Variants in RNF217 observed in about 807,000 individuals in gnomAD.
The protein encoded by RNF217 is ring finger protein 217.
In RNF217, 31 loss-of-function variants were observed where a neutral mutation model predicts 57.8. That is an observed-to-expected ratio of 0.54 (90% CI 0.40 to 0.72). RNF217 has a LOEUF of 0.72. RNF217 is among the 30% of genes least tolerant of loss of function. The pLI is 0.00. For synonymous variants in RNF217, 313 were observed against 294.0 expected, an observed-to-expected ratio of 1.06 and a Z score of -0.66; for missense variants, 696 against 708.3, an observed-to-expected ratio of 0.98 and a Z score of 0.20.
chr6:125,057,765 A>G (rs1216035464), intron 2 of RNF217, among the ~76,000 whole-genome samples, 177 bp from the exon 3 acceptor site: 1 of 152,142 alleles, frequency 6.6e-6, no homozygotes, highest in Non-Finnish European at 1.5e-5. Flanking sequence ...TCCTTGCCAA[A>G]GCAATTCTTT....
chr6:125,037,286 G>C (rs895876662), intron 1 of RNF217, among the ~76,000 whole-genome samples: 3 of 152,164 alleles, frequency 2.0e-5, no homozygotes, highest in African/African-American at 7.2e-5. Context: ...GTCTATTCAG[G>C]CTGTTGTATC....
At chr6:125,034,063 T>C (rs1358779519) in intron 1 of RNF217, among the ~76,000 whole-genome samples, 1 of 152,022 alleles carries the variant, frequency 6.6e-6, no homozygotes, top group Admixed American at 6.6e-5. Context: ...TCTTGTAAAT[T>C]TGTTTGAGTT....
chr6:125,001,330 A>G (rs1784972984), intron 1 of RNF217, among the ~76,000 whole-genome samples: 1 of 152,166 alleles, frequency 6.6e-6, no homozygotes, highest in Admixed American at 6.5e-5. Context: ...CTTAGAGGCT[A>G]TGCTTTTGAG....
chr6:125,012,460 G>T (rs2114363081), intron 1 of RNF217, among the ~76,000 whole-genome samples: 1 of 152,108 alleles, frequency 6.6e-6, no homozygotes, highest in Middle Eastern at 3.4e-3. Flanking sequence ...TTTGGGTAAT[G>T]GTTCACAATT....
rs559803059 is a variant in RNF217 at position 124,993,813 on chromosome 6, G to A, written c.882+30387G>A. ...ATAAAGAAGGGGCTGCGTAAAGAGT[G>A]TGTCAGGGCTAAGAGTGCCACAGCT... On this transcript the variant is annotated intron_variant, in intron 1 of 5. Coordinates refer to ENST00000521654, the MANE Select transcript of RNF217 (RefSeq NM_001286398.3). 9.9e-5 allele frequency among the ~76,000 whole-genome samples: 15 copies of A among 152,284 alleles called. No homozygotes were observed. The South Asian group carries it at 2.9e-3, about 29-fold the overall frequency.
intron 1 of RNF217, among the ~76,000 whole-genome samples, chr6:125,030,070 A>G (rs113864225): frequency 0.068 from 10,320 of 152,180 alleles, 774 homozygotes; most frequent in African/African-American, 0.19. Context: ...AGCAAGAGAA[A>G]ATGAAGAAGA....
At chr6:125,004,465 A>G (rs1232731071) in intron 1 of RNF217, among the ~76,000 whole-genome samples, 1 of 152,228 alleles carries the variant, frequency 6.6e-6, no homozygotes, top group Non-Finnish European at 1.5e-5. Flanking sequence ...GAGGGAAGAT[A>G]AGCAGAACAG....
chr6:124,966,770 A>G (rs1783558735), intron 1 of RNF217, among the ~76,000 whole-genome samples: 1 of 152,228 alleles, frequency 6.6e-6, no homozygotes, highest in South Asian at 2.1e-4. Flanking sequence ...ATGGATTTTT[A>G]GACAGTATGT....
At chr6:125,053,761 T>C (rs960049842) in intron 2 of RNF217, among the ~76,000 whole-genome samples, 2 of 152,090 alleles carry the variant, frequency 1.3e-5, no homozygotes, top group African/African-American at 2.4e-5. Flanking sequence ...AAGTCAAAAA[T>C]CTAATGTAAG....
At chr6:125,007,725 A>AT (rs1299960445) in intron 1 of RNF217, among the ~76,000 whole-genome samples, 1 of 152,064 alleles carries the variant, frequency 6.6e-6, no homozygotes, top group East Asian at 1.9e-4. Flanking sequence ...GAAACTAATT[A>AT]TTTTCCACAG....
At chr6:124,974,527 A>G (rs932909175) in intron 1 of RNF217, among the ~76,000 whole-genome samples, 3 of 152,220 alleles carry the variant, frequency 2.0e-5, no homozygotes, top group African/African-American at 7.2e-5. Context: ...TCAAGGTGTC[A>G]GGGTCAGCTT....
chr6:124,966,585 A>G (rs1289950753), intron 1 of RNF217, among the ~76,000 whole-genome samples: 3 of 152,256 alleles, frequency 2.0e-5, no homozygotes, highest in Admixed American at 2.0e-4. Context: ...TTTGTGCCAC[A>G]TAGTGCATTA....
Position 125,089,682 on chromosome 6 carries a change from G to C in RNF217, c.*6745G>C, listed in dbSNP as rs1788876379. On this transcript the variant is annotated 3_prime_UTR_variant, in exon 6 of 6. Coordinates refer to ENST00000521654, the MANE Select transcript of RNF217 (RefSeq NM_001286398.3). ...GGAGAGACAGACTTGAGTGTTAAAG[G>C]ACCCCAGAAATTGCTGAAATGTCCT... The C allele has an allele frequency of 6.6e-6, 1 of 152,092 alleles. No individual in the cohort carries two copies. The highest frequency in any genetic ancestry group is 1.9e-4 in the East Asian group (1 of 5,186). 9.4% of individuals were successfully genotyped at this position (152,092 alleles called of 1,614,324 possible).
At chr6:125,042,019 A>G (rs1307933677) in intron 1 of RNF217, among the ~76,000 whole-genome samples, 2 of 152,144 alleles carry the variant, frequency 1.3e-5, no homozygotes, top group Non-Finnish European at 2.9e-5. Flanking sequence ...GCATTCTTGA[A>G]TTGATGAAAT....
At chr6:125,019,726 C>A (rs959848916) in intron 1 of RNF217, among the ~76,000 whole-genome samples, 2 of 151,994 alleles carry the variant, frequency 1.3e-5, no homozygotes, top group Non-Finnish European at 2.9e-5. Context: ...CTGTCTTTCT[C>A]CAACACTTAC....
chr6:125,045,243 C>T lies in RNF217; in HGVS notation c.915C>T (p.Pro305=). The T allele has an allele frequency of 1.2e-6, 2 of 1,613,106 alleles. No individual in the cohort carries two copies. The highest frequency in any genetic ancestry group is 1.1e-5 in the South Asian group (1 of 91,042). The change falls in exon 2 of 6, where the codon CCC becomes CCT. Residue 305 remains proline (P), a synonymous_variant. Coordinates refer to ENST00000521654, the MANE Select transcript of RNF217 (RefSeq NM_001286398.3). The stretch of plus-strand genomic sequence containing the variant: ...TTGGCCAAGTAGAAATCAAATGCCC[C>T]ATCACAGAGTGTTTTGAATTCTTGG... The part of the protein sequence containing the change: ...VQLGQVEIKC[P]ITECFEFLEE...
chr6:124,962,926 C>T lies in RNF217; in HGVS notation c.382C>T (p.Pro128Ser), dbSNP rs1235730127. Residue 128 changes from proline to serine, a missense_variant, in exon 1 of 6, where the codon CCC becomes TCC. This residue lies in a region of RNF217 where 465 missense variants were observed against 386.8 expected (regional missense o/e 1.20). Transcript: ENST00000521654. The surrounding 1 kb of genome is among the most constrained non-coding windows in gnomAD (Gnocchi z 4.6). ...GGGAGGGGATGAACAGCAGGAGGCG[C>T]CCCCCGGCGAAGAGCTGGAGCCCAG... Reference protein sequence around the residue: ...KEGGDEQQEAPPGEELEPRTR... With the variant: ...KEGGDEQQEASPGEELEPRTR... 23 of 1,597,466 alleles carry T rather than the reference C, an allele frequency of 1.4e-5. No individual in the cohort carries two copies. Among genetic ancestry groups the T allele is most frequent in the Middle Eastern group, 1.6e-4 (1 of 6,066 alleles).
At chr6:125,079,438 TA>T (rs760651906) in intron 4 of RNF217, among the ~76,000 whole-genome samples, 2,290 of 125,758 alleles carry the variant, frequency 0.018, 10 homozygotes, top group Middle Eastern at 0.029. Context: ...AATACTCAAT[TA>T]AAAAAAAAAA....
intron 2 of RNF217, chr6:125,048,035 A>G (rs1019506616): frequency 5.6e-6 from 2 of 358,416 alleles, no homozygotes; most frequent in Admixed American, 4.0e-5. Flanking sequence ...TCCTGAAGCA[A>G]TAATTTTTAC....
Sources: allele counts gnomAD v4.1 joint callset (sites outside exome capture counted in the v4.1 genomes callset), GRCh38; gene constraint gnomAD v4.1.1; regional missense constraint gnomAD v4.1.1; non-coding constraint Gnocchi (gnomAD v3.1); transcripts MANE v1.5; gene names NCBI Gene and HGNC (gene_info 2026-07-23, HGNC 2026-07-21).